The following KYNU variants were observed in gnomAD, a reference collection of about 807,000 sequenced individuals.
KYNU encodes the protein L-kynurenine hydrolase.
In KYNU, 54 loss-of-function variants were observed where a neutral mutation model predicts 59.2. That is an observed-to-expected ratio of 0.91 (90% CI 0.73 to 1.14). The LOEUF (loss-of-function observed/expected upper bound fraction) is 1.14, where lower values mean the gene tolerates loss of function less well. KYNU is among the 50% of genes most tolerant of loss of function. The pLI is 0.00. For missense variants in KYNU, 567 were observed against 554.4 expected (o/e 1.02, Z -0.23); for synonymous variants, 177 against 192.0 (o/e 0.92, Z 0.65).
Position 142,903,272 on chromosome 2 carries a change from C to T in KYNU, c.170-15337C>T, listed in dbSNP as rs1441042465. Among the ~76,000 whole-genome samples the T allele has an allele frequency of 4.6e-5, 7 of 151,970 alleles. No individual in the cohort carries two copies. The East Asian group carries it at 9.7e-4, about 21-fold the overall frequency. ...ATCCTTTAGTTTAACTAGAACACGA[C>T]GGGCATTATTTGCTCGTCCATATTG... On this transcript the variant is annotated intron_variant, in intron 2 of 13. Transcript: ENST00000264170.
intron 10 of KYNU, among the ~76,000 whole-genome samples, chr2:143,004,070 A>G (rs1388012284): frequency 6.6e-6 from 1 of 152,228 alleles, no homozygotes; most frequent in Non-Finnish European, 1.5e-5. Context: ...TATCATTTTG[A>G]CTAATTCATG....
intron 10 of KYNU, among the ~76,000 whole-genome samples, chr2:143,022,781 A>G (rs956956841): frequency 2.6e-5 from 4 of 151,958 alleles, no homozygotes; most frequent in African/African-American, 9.6e-5. Flanking sequence ...AGATTTGTCA[A>G]TTTAAGCAAT....
intron 10 of KYNU, chr2:142,988,876 GCAA>G: frequency 1.2e-6 from 2 of 1,608,768 alleles, no homozygotes; most frequent in Non-Finnish European, 1.7e-6. Context: ...GGAATGGAAT[GCAA>G]CAGATTTGGA....
intron 10 of KYNU, among the ~76,000 whole-genome samples, chr2:143,001,957 T>C (rs553867890): frequency 7.2e-5 from 11 of 152,322 alleles, no homozygotes; most frequent in African/African-American, 2.4e-4. Context: ...CAGGATTTCT[T>C]ATTGGCACAG....
chr2:143,032,302 C>CAA (rs71939125), intron 11 of KYNU, among the ~76,000 whole-genome samples: 6,143 of 147,934 alleles, frequency 0.042, 135 homozygotes, highest in Non-Finnish European at 0.053. Context: ...AAAAAAAAAA[C>CAA]AAAACAAAAA....
chr2:142,960,273 T>G (rs1229195613), intron 7 of KYNU, among the ~76,000 whole-genome samples: 1 of 152,220 alleles, frequency 6.6e-6, no homozygotes, highest in Non-Finnish European at 1.5e-5. Flanking sequence ...ATATAATACT[T>G]CATGGACTTC....
Position 142,918,528 on chromosome 2 carries a change from A to T in KYNU, c.170-81A>T. The T allele has an allele frequency of 1.5e-6, 2 of 1,367,732 alleles. 1 individual carries two copies. The highest frequency in any genetic ancestry group is 2.8e-5 in the South Asian group (2 of 71,294). The allele number at this position is 1,367,732 out of a possible 1,614,324, so 84.7% of individuals were successfully genotyped here. The stretch of plus-strand genomic sequence containing the variant: ...TATCCTTCTTAGAGTTGATTGTATT[A>T]ATTATTTGTACTGGCTTAACAATAC... On this transcript the variant is annotated intron_variant, in intron 2 of 13. Transcript: ENST00000264170.
intron 5 of KYNU, among the ~76,000 whole-genome samples, chr2:142,955,902 T>C (rs1370342448): frequency 6.6e-6 from 1 of 152,132 alleles, no homozygotes; most frequent in African/African-American, 2.4e-5. Context: ...TTGTTGTTAA[T>C]CATCAGACTT....
At chr2:142,896,904 C>T (rs1681897278) in intron 2 of KYNU, among the ~76,000 whole-genome samples, 2 of 152,288 alleles carry the variant, frequency 1.3e-5, no homozygotes, top group East Asian at 1.9e-4. Flanking sequence ...TCACAGAACA[C>T]AAGATTTTAA....
chr2:142,885,253 G>C (rs751943598), intron 1 of KYNU, 96 bp from the exon 2 acceptor site: 1 of 916,850 alleles, frequency 1.1e-6, no homozygotes, highest in Admixed American at 2.0e-5. Flanking sequence ...TTGGGAAAAG[G>C]GAGTCTTAGT....
In KYNU at chr2:142,972,807, T is replaced by TAGAG. The variant is rs1243876239; in HGVS notation, c.729+12038_729+12039insGAGA. ...GACAGAGGCCATATATATATATATA[T>TAGAG]ATATATAGAGAGAGAGAGAGAGAGA... On this transcript the variant is annotated intron_variant, in intron 8 of 13. Coordinates refer to ENST00000264170, the MANE Select transcript of KYNU (RefSeq NM_003937.3). 1.5e-3 allele frequency among the ~76,000 whole-genome samples: 205 copies of TAGAG among 138,332 alleles called. 1 individual carries two copies. The highest frequency in any genetic ancestry group is 4.5e-3 in the African/African-American group (165 of 36,828). 90.8% of individuals were successfully genotyped at this position (138,332 alleles called of 152,430 possible). A position where few individuals can be genotyped will look rare whatever the true frequency, so the allele number is the denominator to read the frequency against.
Position 143,003,287 on chromosome 2 carries a change from G to C in KYNU, c.902+17266G>C, listed in dbSNP as rs138504023. 3.3e-4 allele frequency among the ~76,000 whole-genome samples: 48 copies of C among 143,352 alleles called. No individual in the cohort carries two copies. In the East Asian group the frequency reaches 7.7e-3, roughly 23 times the overall value. The allele number at this position is 143,352 out of a possible 152,430, so 94.0% of individuals were successfully genotyped here. On this transcript the variant is annotated intron_variant, in intron 10 of 13. Transcript: ENST00000264170. ...ATACAAAAACACTTCTTTACAGCTG[G>C]GGGGGGTGGCTCACACCTATAATCC...
chr2:143,021,851 C>T (rs182562234), intron 10 of KYNU, among the ~76,000 whole-genome samples: 15 of 152,172 alleles, frequency 9.9e-5, no homozygotes, highest in East Asian at 3.9e-4. Context: ...TAAATTTGTG[C>T]ATCAATTTAA....
chr2:142,993,907 C>T (rs1423135739), intron 10 of KYNU, among the ~76,000 whole-genome samples: 1 of 151,940 alleles, frequency 6.6e-6, no homozygotes, highest in East Asian at 1.9e-4. Context: ...ACACTGAAGT[C>T]CTTTGAAACC....
intron 8 of KYNU, among the ~76,000 whole-genome samples, chr2:142,962,815 CT>C (rs1558946974): frequency 1.3e-5 from 2 of 152,090 alleles, no homozygotes; most frequent in African/African-American, 2.4e-5. Flanking sequence ...GTAGTTCCTC[CT>C]ATTATCAACC....
chr2:142,880,377 A>G (rs1681252940), intron 1 of KYNU, among the ~76,000 whole-genome samples: 1 of 152,218 alleles, frequency 6.6e-6, no homozygotes, highest in Admixed American at 6.5e-5. Context: ...GACTTGCAAG[A>G]TGGGCTTGTC....
chr2:143,002,646 A>G (rs1685736471), intron 10 of KYNU, among the ~76,000 whole-genome samples: 1 of 152,242 alleles, frequency 6.6e-6, no homozygotes, highest in South Asian at 2.1e-4. Context: ...AAGAAGAAAG[A>G]TTGAAATACT....
chr2:142,977,372 G>GAGTTATATATAT (rs1553484697), intron 8 of KYNU, among the ~76,000 whole-genome samples: 1 of 131,152 alleles, frequency 7.6e-6, no homozygotes, highest in African/African-American at 2.9e-5. Context: ...ATTTTGTGTG[G>GAGTTATATATAT]ATATATATAT....
chr2:142,974,709 G>T (rs1684835324), intron 8 of KYNU, among the ~76,000 whole-genome samples: 1 of 152,128 alleles, frequency 6.6e-6, no homozygotes, highest in Non-Finnish European at 1.5e-5. Context: ...AAAATGTAAA[G>T]GCTCTCCTTC....
Sources: gnomAD v4.1 joint callset for allele counts (sites outside exome capture counted in the v4.1 genomes callset) on GRCh38, gnomAD v4.1.1 for gene constraint, MANE v1.5 for transcripts, NCBI Gene and HGNC (gene_info 2026-07-23, HGNC 2026-07-21) for gene names.